Variants in DARS1 observed in about 807,000 individuals in gnomAD.
The protein encoded by DARS1 is aspartate--tRNA ligase, cytoplasmic.
A neutral mutation model predicts 68.8 loss-of-function variants in DARS1; 51 were observed. The ratio of observed to expected loss-of-function variants is 0.74; its 90% CI spans 0.59 to 0.94. DARS1 has a LOEUF of 0.94. Among genes scored for constraint, DARS1 ranks in the 40% least tolerant of loss-of-function variants. DARS1 has a pLI of 0.00. For synonymous variants in DARS1, 203 were observed against 190.4 expected (o/e 1.07, Z -0.55); for missense variants, 607 against 597.3 (o/e 1.02, Z -0.17).
chr2:135,914,687 T>C, intron 11 of DARS1, 176 bp from the exon 12 acceptor site: 1 of 589,032 alleles, frequency 1.7e-6, no homozygotes, highest in Non-Finnish European at 3.1e-6. Context: ...CTTATGAGTA[T>C]ACCTTGGTAC....
chr2:135,932,860 G>T lies in DARS1; in HGVS notation c.505-18C>A, dbSNP rs780633373. On this transcript the variant is annotated intron_variant, in intron 6 of 15. Transcript: ENST00000264161. The stretch of plus-strand genomic sequence containing the variant: ...CTTCCTTCCTAAAAAAAAAAAAAAA[G>T]AAAAGAAAAAAATAAATTTTACTAA... The T allele has an allele frequency of 2.1e-6, 2 of 954,378 alleles. No homozygotes were observed. Among genetic ancestry groups the T allele is most frequent in the Non-Finnish European group, 3.1e-6 (2 of 641,476 alleles). The allele number at this position is 954,378 out of a possible 1,614,324, so 59.1% of individuals were successfully genotyped here. A position where few individuals can be genotyped will look rare whatever the true frequency, so the allele number is the denominator to read the frequency against.
intron 15 of DARS1, among the ~76,000 whole-genome samples, chr2:135,910,289 T>G (rs542535084): frequency 6.6e-6 from 1 of 152,294 alleles, no homozygotes; most frequent in South Asian, 2.1e-4. Context: ...CCATCAACTA[T>G]TTACAAACAA....
chr2:135,975,075 T>G (rs561589895), intron 3 of DARS1, among the ~76,000 whole-genome samples: 2 of 152,340 alleles, frequency 1.3e-5, no homozygotes, highest in Admixed American at 1.3e-4. Context: ...CCGGGCATAG[T>G]GGCTCACGCC....
intron 10 of DARS1, among the ~76,000 whole-genome samples, chr2:135,917,472 A>ATT (rs1306030751): frequency 6.6e-6 from 1 of 151,996 alleles, no homozygotes; most frequent in African/African-American, 2.4e-5. Context: ...TTTACATTCT[A>ATT]TTTTTATTTT....
chr2:135,909,777 GT>G (rs1558774859), intron 15 of DARS1, among the ~76,000 whole-genome samples: 1 of 152,154 alleles, frequency 6.6e-6, no homozygotes, highest in Non-Finnish European at 1.5e-5. Context: ...AAGGCAGAGT[GT>G]TATTTCATTG....
intron 3 of DARS1, among the ~76,000 whole-genome samples, chr2:135,978,293 TA>T (rs1047315335): frequency 2.6e-5 from 4 of 151,918 alleles, no homozygotes; most frequent in African/African-American, 7.3e-5. Flanking sequence ...AAAACACAAT[TA>T]AAAAATGCTA....
At chr2:135,982,912 T>C (rs1361253330) in intron 2 of DARS1, among the ~76,000 whole-genome samples, 1 of 152,090 alleles carries the variant, frequency 6.6e-6, no homozygotes. Flanking sequence ...TTTTCAAGGA[T>C]GCTGTAGAGA....
intron 3 of DARS1, among the ~76,000 whole-genome samples, chr2:135,969,131 G>C (rs1682307023): frequency 6.6e-6 from 1 of 151,994 alleles, no homozygotes; most frequent in Non-Finnish European, 1.5e-5. Flanking sequence ...CTTTAACCCA[G>C]CAATTTCATT....
intron 1 of DARS1, 117 bp downstream of exon 1, chr2:135,985,286 A>G: frequency 6.9e-7 from 1 of 1,443,692 alleles, no homozygotes; most frequent in Non-Finnish European, 9.1e-7. Context: ...CCACGCCCGC[A>G]GCCTGCGGAG....
intron 4 of DARS1, among the ~76,000 whole-genome samples, chr2:135,948,877 C>CAAA (rs35323281): frequency 3.0e-5 from 4 of 132,188 alleles, no homozygotes; most frequent in African/African-American, 8.1e-5. Context: ...CTCCCGTCTC[C>CAAA]AAAAAAAAAA....
rs1203275528 is a variant in DARS1, at chr2:135,943,475, T to A, written c.326A>T (p.Asn109Ile). The A allele has an allele frequency of 6.2e-7, 1 of 1,612,290 alleles. No individual in the cohort carries two copies. The highest frequency in any genetic ancestry group is 8.5e-7 in the Non-Finnish European group (1 of 1,179,490). Residue 109 changes from asparagine (N) to isoleucine (I), a missense_variant, in exon 5 of 16, where the codon AAC becomes ATC. Transcript: ENST00000264161. Reference protein sequence around the residue: ...KQMVKFAANINKESIVDVEGV... With the variant: ...KQMVKFAANIIKESIVDVEGV... ...TTCTACATCCACAATGCTCTCTTTG[T>A]TGATGCTGTCAAGAGAAAAAATTCC...
chr2:135,966,018 T>C (rs1355007679), intron 3 of DARS1, among the ~76,000 whole-genome samples: 2 of 152,234 alleles, frequency 1.3e-5, no homozygotes, highest in South Asian at 4.1e-4. Flanking sequence ...CCTTACTGCA[T>C]GATTAGCTTA....
chr2:135,917,106 A>G (rs1289466497), intron 10 of DARS1, among the ~76,000 whole-genome samples: 2 of 152,184 alleles, frequency 1.3e-5, no homozygotes, highest in African/African-American at 4.8e-5. Context: ...GGCTGCAGCG[A>G]GCCAAGATCG....
rs1414763613 is a variant in DARS1 at position 135,985,349 on chromosome 2, C to A, written c.66+54G>T. The A allele has an allele frequency of 5.7e-6, 9 of 1,591,984 alleles. No individual in the cohort carries two copies. In the East Asian group the frequency reaches 1.8e-4, roughly 32 times the overall value. On this transcript the variant is annotated intron_variant, in intron 1 of 15. Coordinates refer to ENST00000264161, the MANE Select transcript of DARS1 (RefSeq NM_001349.4). ...CCACTCCCCCTCCTCCCTCCCTCGG[C>A]GCAGCCCGGCCCAGGGGTCTGTCCT...
In DARS1 at chr2:135,946,754, C is replaced by A. The variant is rs138403751; in HGVS notation, c.321-3274G>T. On this transcript the variant is annotated intron_variant, in intron 4 of 15. Coordinates refer to ENST00000264161, the MANE Select transcript of DARS1 (RefSeq NM_001349.4). ...CTTGCAAATAAATGGAGACATAAAT[C>A]GGGGGAAAAAGCAGTTTATCTCTTG... is the stretch of plus-strand genomic sequence containing the variant. Among the ~76,000 whole-genome samples the A allele has an allele frequency of 3.9e-5, 6 of 152,146 alleles. No individual in the cohort carries two copies. The East Asian group carries it at 7.7e-4, about 20-fold the overall frequency.
chr2:135,945,498 A>C (rs1281084468), intron 4 of DARS1, among the ~76,000 whole-genome samples: 1 of 152,212 alleles, frequency 6.6e-6, no homozygotes, highest in Non-Finnish European at 1.5e-5. Flanking sequence ...AATGTAGTCA[A>C]AGATACTCTG....
chr2:135,913,421 G>T (rs1162260465), intron 12 of DARS1, among the ~76,000 whole-genome samples: 2 of 151,920 alleles, frequency 1.3e-5, no homozygotes, highest in South Asian at 4.1e-4. Flanking sequence ...TTTTTTTAGA[G>T]AATGCTTACT....
intron 5 of DARS1, among the ~76,000 whole-genome samples, chr2:135,942,513 G>T (rs560668410): frequency 9.6e-6 from 1 of 104,132 alleles, no homozygotes; most frequent in South Asian, 4.0e-4. Flanking sequence ...GTGGGGTGGG[G>T]GGAGGGGGGA....
At chr2:135,979,215 G>A in intron 3 of DARS1, 59 bp downstream of exon 3, 1 of 833,230 alleles carries the variant, frequency 1.2e-6, no homozygotes, top group South Asian at 1.4e-5. Flanking sequence ...TGAGGAATAT[G>A]TAAGACAAAA....
Sources: gnomAD v4.1 joint callset for allele counts (sites outside exome capture counted in the v4.1 genomes callset) on GRCh38, gnomAD v4.1.1 for gene constraint, MANE v1.5 for transcripts, NCBI Gene and HGNC (gene_info 2026-07-23, HGNC 2026-07-21) for gene names.